SLIT3: variants seen among roughly 807,000 people sequenced by gnomAD.
SLIT3 encodes slit guidance ligand 3.
SLIT3 carries 68 observed loss-of-function variants against 184.0 expected under a neutral mutation model. The ratio of observed to expected loss-of-function variants is 0.37; its 90% CI spans 0.30 to 0.45. SLIT3 has a LOEUF of 0.45. SLIT3 is among the 20% of genes least tolerant of loss of function. The pLI, the probability that SLIT3 is intolerant of heterozygous loss-of-function variation, is 1.00. For missense variants in SLIT3, 1,707 were observed against 2,026.0 expected (o/e 0.84, Z 3.02); for synonymous variants, 831 against 828.6 (o/e 1.00, Z -0.05).
intron 4 of SLIT3, among the ~76,000 whole-genome samples, chr5:169,003,973 C>T (rs924762865): frequency 3.9e-5 from 6 of 152,168 alleles, no homozygotes; most frequent in African/African-American, 1.4e-4. Context: ...ACCCAGGCCC[C>T]TGCTGACTGA....
At chr5:169,224,088 C>G (rs933823082) in intron 3 of SLIT3, among the ~76,000 whole-genome samples, 1 of 152,186 alleles carries the variant, frequency 6.6e-6, no homozygotes, top group Admixed American at 6.5e-5. Context: ...GAGCTGCTTT[C>G]AAATCTTGCC....
intron 4 of SLIT3, among the ~76,000 whole-genome samples, chr5:168,912,545 T>C (rs1373971351): frequency 1.3e-5 from 2 of 152,222 alleles, no homozygotes; most frequent in Middle Eastern, 3.2e-3. Context: ...GAATTGGAAC[T>C]AGACTATGTG....
chr5:169,160,702 C>T (rs1000930731), intron 4 of SLIT3, among the ~76,000 whole-genome samples: 4 of 152,302 alleles, frequency 2.6e-5, no homozygotes, highest in African/African-American at 7.2e-5. Context: ...GCATCCCCAG[C>T]GTGGGCTGGG....
chr5:169,055,456 C>T (rs975605421), intron 4 of SLIT3, among the ~76,000 whole-genome samples: 4 of 152,018 alleles, frequency 2.6e-5, no homozygotes, highest in African/African-American at 4.8e-5. Flanking sequence ...AGCAAAGGGC[C>T]GGAGGCAGGG....
chr5:168,743,632 T>A (rs1763706861), intron 20 of SLIT3, among the ~76,000 whole-genome samples: 1 of 152,146 alleles, frequency 6.6e-6, no homozygotes, highest in Non-Finnish European at 1.5e-5. Context: ...ATCACACATC[T>A]CTCACTTTAA....
chr5:168,894,254 T>C (rs1581186972), intron 4 of SLIT3, among the ~76,000 whole-genome samples: 1 of 152,086 alleles, frequency 6.6e-6, no homozygotes, highest in African/African-American at 2.4e-5. Flanking sequence ...TATGGGGAGG[T>C]TGGCAATGTA....
intron 32 of SLIT3, among the ~76,000 whole-genome samples, chr5:168,682,527 G>C (rs1761622792): frequency 6.6e-6 from 1 of 152,186 alleles, no homozygotes; most frequent in Non-Finnish European, 1.5e-5. Flanking sequence ...TGATGCTGGT[G>C]CTGCTGCCTT....
chr5:169,108,835 T>G (rs1233007682), intron 4 of SLIT3, among the ~76,000 whole-genome samples: 2 of 152,232 alleles, frequency 1.3e-5, no homozygotes, highest in African/African-American at 4.8e-5. Flanking sequence ...TTCTCAGCAC[T>G]AAAACATTGC....
chr5:168,857,059 C>G (rs1758909027), intron 5 of SLIT3, among the ~76,000 whole-genome samples: 1 of 152,010 alleles, frequency 6.6e-6, no homozygotes, highest in African/African-American at 2.4e-5. Context: ...TCGGGAGCAG[C>G]CAAGTCAGTC....
intron 4 of SLIT3, among the ~76,000 whole-genome samples, chr5:169,065,099 A>C (rs1037564562): frequency 6.6e-6 from 1 of 152,208 alleles, no homozygotes; most frequent in Non-Finnish European, 1.5e-5. Flanking sequence ...AAACAGTCAT[A>C]TGTCATATTA....
At chr5:169,140,782 A>G (rs1761705700) in intron 4 of SLIT3, among the ~76,000 whole-genome samples, 1 of 152,198 alleles carries the variant, frequency 6.6e-6, no homozygotes, top group South Asian at 2.1e-4. Context: ...TGTGGGTCAC[A>G]GAGTGAGAGA....
At chr5:168,743,422 G>A (rs899768553) in intron 20 of SLIT3, among the ~76,000 whole-genome samples, 6 of 152,102 alleles carry the variant, frequency 3.9e-5, no homozygotes, top group African/African-American at 1.4e-4. Context: ...GATCTTTGAT[G>A]TCTCTATTGT....
intron 4 of SLIT3, among the ~76,000 whole-genome samples, chr5:168,955,385 T>A (rs1283214447): frequency 2.6e-5 from 4 of 152,204 alleles, no homozygotes; most frequent in Admixed American, 6.5e-5. Flanking sequence ...CGAATATTAA[T>A]GGTTAGGACT....
At chr5:168,819,348 A>G (rs1434122802) in intron 7 of SLIT3, among the ~76,000 whole-genome samples, 1 of 152,256 alleles carries the variant, frequency 6.6e-6, no homozygotes, top group South Asian at 2.1e-4. Context: ...TTCGCCGGGT[A>G]TAAATGTTGC....
chr5:169,190,862 G>C (rs1221873453), intron 4 of SLIT3, among the ~76,000 whole-genome samples: 4 of 152,132 alleles, frequency 2.6e-5, no homozygotes, highest in Non-Finnish European at 5.9e-5. Context: ...TTCCAAAAAG[G>C]CTCTGGAGTG....
chr5:168,971,492 T>C (rs1162462140), intron 4 of SLIT3, among the ~76,000 whole-genome samples: 1 of 152,188 alleles, frequency 6.6e-6, no homozygotes, highest in Non-Finnish European at 1.5e-5. Context: ...CTGATTTTTT[T>C]CTTTTCCTAG....
At chr5:168,887,666 G>A (rs990601440) in intron 4 of SLIT3, among the ~76,000 whole-genome samples, 1 of 152,152 alleles carries the variant, frequency 6.6e-6, no homozygotes, top group African/African-American at 2.4e-5. Flanking sequence ...CATACGGATA[G>A]TGCGCCCAGA....
intron 4 of SLIT3, among the ~76,000 whole-genome samples, chr5:169,181,337 G>T (rs1397074253): frequency 6.6e-6 from 1 of 152,144 alleles, no homozygotes; most frequent in Non-Finnish European, 1.5e-5. Context: ...TAACAAAAAG[G>T]AGTCAGAGTG....
At chr5:168,934,681 G>A (rs1477480650) in intron 4 of SLIT3, among the ~76,000 whole-genome samples, 1 of 152,158 alleles carries the variant, frequency 6.6e-6, no homozygotes, top group Non-Finnish European at 1.5e-5. Context: ...AGTGTTGTAG[G>A]AAAGGGGAGC....
Sources: allele counts gnomAD v4.1 joint callset (sites outside exome capture counted in the v4.1 genomes callset), GRCh38; gene constraint gnomAD v4.1.1; transcripts MANE v1.5; gene names NCBI Gene and HGNC (gene_info 2026-07-23, HGNC 2026-07-21).